Variants in SOX5 observed in about 807,000 individuals in gnomAD.
SOX5 encodes transcription factor SOX-5.
Under a neutral mutation model 92.0 loss-of-function variants are expected in SOX5, and 9 were observed. The observed-to-expected ratio is 0.10, with a 90% CI of 0.06 to 0.17. The LOEUF (loss-of-function observed/expected upper bound fraction) is 0.17. SOX5 is among the 10% of genes least tolerant of loss of function. The probability of loss-of-function intolerance (pLI) is 1.00; values close to 1 mark genes in which losing one functional copy is unlikely to be tolerated. For missense variants in SOX5, 642 were observed against 944.5 expected (o/e 0.68, Z 4.20); for synonymous variants, 344 against 336.3 (o/e 1.02, Z -0.25).
chr12:24,237,883 G>A (rs1160766483), intron 3 of SOX5: 2 of 152,112 alleles, frequency 1.3e-5, no homozygotes, highest in African/African-American at 4.8e-5. Context: ...ACAGGAAAGT[G>A]ACCAGGGAAA....
chr12:24,179,326 G>A (rs1955197998), intron 4 of SOX5, among the ~76,000 whole-genome samples: 1 of 152,128 alleles, frequency 6.6e-6, no homozygotes, highest in South Asian at 2.1e-4. Flanking sequence ...ACTTAAAATA[G>A]TTCGACTTAC....
At chr12:23,923,297 G>GAATGAATGAATGAATGAATGAATGAATA (rs1417279203) in intron 1 of SOX5, among the ~76,000 whole-genome samples, 2 of 129,376 alleles carry the variant, frequency 1.5e-5, no homozygotes, top group African/African-American at 6.9e-5. Flanking sequence ...AAAAATAAAT[G>GAATGAATGAATGAATGAATGAATGAATA]AATGAATGAA....
chr12:24,492,273 G>C (rs993345444), intron 1 of SOX5, among the ~76,000 whole-genome samples: 1 of 152,030 alleles, frequency 6.6e-6, no homozygotes, highest in Non-Finnish European at 1.5e-5. Context: ...TAAAAGTCAG[G>C]GAATAAAATG....
intron 3 of SOX5, among the ~76,000 whole-genome samples, chr12:24,263,060 A>C (rs1942404892): frequency 6.9e-5 from 1 of 14,572 alleles, no homozygotes; most frequent in South Asian, 3.8e-3. Context: ...TGTCTCTACA[A>C]AAAAAAAAGG....
intron 2 of SOX5, among the ~76,000 whole-genome samples, chr12:23,863,089 G>C (rs2136476002): frequency 6.6e-6 from 1 of 152,232 alleles, no homozygotes; most frequent in South Asian, 2.1e-4. Context: ...ACTTTCACTT[G>C]GGGGTCAATC....
intron 3 of SOX5, among the ~76,000 whole-genome samples, chr12:23,757,445 G>T (rs1464870743): frequency 6.6e-6 from 1 of 151,818 alleles, no homozygotes; most frequent in African/African-American, 2.4e-5. Flanking sequence ...CTTCATTGAC[G>T]CTTTAAAAGT....
intron 4 of SOX5, among the ~76,000 whole-genome samples, chr12:23,742,376 T>A (rs2093828154): frequency 6.6e-6 from 1 of 152,180 alleles, no homozygotes; most frequent in Admixed American, 6.5e-5. Flanking sequence ...TCAATGCCTA[T>A]CCTTATTCAA....
intron 11 of SOX5, among the ~76,000 whole-genome samples, chr12:23,556,977 C>T (rs79919668): frequency 2.6e-5 from 4 of 152,362 alleles, no homozygotes; most frequent in East Asian, 1.9e-4. Context: ...ATCCGATACA[C>T]TTACTGCCAT....
Position 24,379,114 on chromosome 12 carries a change from A to G in SOX5, c.-250-10475T>C, listed in dbSNP as rs559607470. Among the ~76,000 whole-genome samples, 6 of 152,318 alleles carry G rather than the reference A, an allele frequency of 3.9e-5. 1 individual carries two copies. The East Asian group carries it at 1.2e-3, about 29-fold the overall frequency. Reference sequence around the variant, plus strand: ...TTCCAACATACACTGCACCCAAATAATTTATGCACCCTCTCTTACTAGGAG... The same window carrying G: ...TTCCAACATACACTGCACCCAAATAGTTTATGCACCCTCTCTTACTAGGAG... On this transcript the variant is annotated intron_variant, in intron 1 of 4. Transcript: ENST00000446891.
chr12:23,956,423 G>C (rs945103148), intron 4 of SOX5, among the ~76,000 whole-genome samples: 2 of 152,120 alleles, frequency 1.3e-5, no homozygotes, highest in African/African-American at 4.8e-5. Context: ...GGCAGCATTA[G>C]ATTATCATAG....
chr12:24,323,881 G>C (rs1010424708), intron 2 of SOX5, among the ~76,000 whole-genome samples: 2 of 152,094 alleles, frequency 1.3e-5, no homozygotes, highest in African/African-American at 4.8e-5. Context: ...AGGAGAGCTA[G>C]TGTCACTTCC....
At chr12:24,389,640 T>C (rs1323595868) in intron 1 of SOX5, among the ~76,000 whole-genome samples, 1 of 152,248 alleles carries the variant, frequency 6.6e-6, no homozygotes, top group East Asian at 1.9e-4. Context: ...GGATATTTGG[T>C]TGTTTCAATG....
chr12:24,160,434 G>A (rs988863239), intron 4 of SOX5, among the ~76,000 whole-genome samples: 1 of 151,940 alleles, frequency 6.6e-6, no homozygotes, highest in African/African-American at 2.4e-5. Flanking sequence ...CATTTACATT[G>A]CATTCTATAT....
intron 2 of SOX5, among the ~76,000 whole-genome samples, chr12:23,868,271 T>C (rs1371350420): frequency 6.6e-6 from 1 of 152,126 alleles, no homozygotes; most frequent in Non-Finnish European, 1.5e-5. Flanking sequence ...AAGATAAGAA[T>C]GTTAAGATTT....
At position 24,289,539 on chromosome 12, in the gene SOX5, C is replaced by A. The variant is rs569871586; in HGVS notation, c.-173-12227G>T. Among the ~76,000 whole-genome samples, 61 of 142,388 alleles carry A rather than the reference C, an allele frequency of 4.3e-4. 1 individual carries two copies. The highest frequency in any genetic ancestry group is 7.0e-4 in the Non-Finnish European group (47 of 66,756). 93.4% of individuals were successfully genotyped at this position (142,388 alleles called of 152,430 possible). A position where few individuals can be genotyped will look rare whatever the true frequency, so the allele number is the denominator to read the frequency against. The stretch of plus-strand genomic sequence containing the variant: ...CGGGATCTCGGCTCACTGCAAGCTC[C>A]GCCTCCCGGGTTCACGCCATTCTCC... On this transcript the variant is annotated intron_variant, in intron 2 of 4. Transcript: ENST00000446891.
chr12:24,375,159 G>C (rs995499588), intron 1 of SOX5, among the ~76,000 whole-genome samples: 2 of 151,664 alleles, frequency 1.3e-5, no homozygotes, highest in African/African-American at 2.4e-5. Context: ...ATTTTTAGTA[G>C]AGACGGGGTT....
intron 1 of SOX5, among the ~76,000 whole-genome samples, chr12:24,377,734 A>G (rs1355449625): frequency 6.6e-6 from 1 of 152,210 alleles, no homozygotes; most frequent in Non-Finnish European, 1.5e-5. Flanking sequence ...CTCTTGCCTC[A>G]GTTTCCACAT....
intron 2 of SOX5, among the ~76,000 whole-genome samples, chr12:23,890,248 A>G (rs2097114820): frequency 2.0e-5 from 3 of 151,734 alleles, no homozygotes; most frequent in Non-Finnish European, 4.4e-5. Flanking sequence ...TGAATGTGGG[A>G]GGCGGAAGTT....
At chr12:23,770,117 A>G (rs1184556265) in intron 3 of SOX5, among the ~76,000 whole-genome samples, 4 of 149,690 alleles carry the variant, frequency 2.7e-5, no homozygotes, top group Admixed American at 1.3e-4. Flanking sequence ...ATCAAAGAAC[A>G]ATTTGCTTCA....
Sources: gnomAD v4.1 joint callset for allele counts (sites outside exome capture counted in the v4.1 genomes callset) on GRCh38, gnomAD v4.1.1 for gene constraint, MANE v1.5 for transcripts, NCBI Gene and HGNC (gene_info 2026-07-23, HGNC 2026-07-21) for gene names.